Variants in FAM110B observed in about 807,000 individuals in gnomAD.
FAM110B encodes the protein family with sequence similarity 110 member B.
Under a neutral mutation model 20.4 loss-of-function variants are expected in FAM110B, and 6 were observed. The observed-to-expected ratio is 0.29, with a 90% CI of 0.16 to 0.58. The LOEUF is 0.58. Among genes scored for constraint, FAM110B ranks in the 20% least tolerant of loss-of-function variants. The pLI is 0.90. For missense variants in FAM110B, 434 were observed against 498.2 expected, an observed-to-expected ratio of 0.87 and a Z score of 1.23; for synonymous variants, 226 against 214.1, an observed-to-expected ratio of 1.06 and a Z score of -0.49.
intron 3 of FAM110B, among the ~76,000 whole-genome samples, chr8:58,103,436 T>C (rs988641101): frequency 3.1e-4 from 47 of 151,974 alleles, no homozygotes; most frequent in African/African-American, 1.0e-3. Flanking sequence ...GGTTTTTTGT[T>C]CTTGCGATAG....
intron 3 of FAM110B, among the ~76,000 whole-genome samples, chr8:58,094,280 A>T (rs1165469858): frequency 6.6e-6 from 1 of 152,100 alleles, no homozygotes; most frequent in Admixed American, 6.6e-5. Flanking sequence ...AACTTCCAAC[A>T]CTATGTCGAA....
At chr8:58,131,914 G>T (rs868093021) in intron 3 of FAM110B, among the ~76,000 whole-genome samples, 1 of 152,284 alleles carries the variant, frequency 6.6e-6, no homozygotes, top group African/African-American at 2.4e-5. Context: ...GTTGCATTGC[G>T]TGGGTCTGCA....
chr8:58,007,347 C>T (rs908894858), intron 1 of FAM110B, among the ~76,000 whole-genome samples: 3 of 152,136 alleles, frequency 2.0e-5, no homozygotes, highest in Non-Finnish European at 2.9e-5. Flanking sequence ...TATCGGATCA[C>T]GTGGGTCCCA....
At chr8:58,003,854 T>C (rs1312988970) in intron 1 of FAM110B, among the ~76,000 whole-genome samples, 2 of 152,190 alleles carry the variant, frequency 1.3e-5, no homozygotes, top group Non-Finnish European at 2.9e-5. Flanking sequence ...TAAGTCAGCA[T>C]TGGCTTCAAC....
intron 3 of FAM110B, among the ~76,000 whole-genome samples, chr8:58,116,333 T>C (rs1310007294): frequency 2.0e-5 from 3 of 152,152 alleles, no homozygotes; most frequent in African/African-American, 7.2e-5. Context: ...AACCTCACAG[T>C]AGAGTCCCAT....
intron 2 of FAM110B, among the ~76,000 whole-genome samples, chr8:58,069,021 G>A (rs983212101): frequency 6.6e-6 from 1 of 152,142 alleles, no homozygotes; most frequent in Non-Finnish European, 1.5e-5. Context: ...ATAGAATCAA[G>A]TGAAAGTAGT....
chr8:58,103,155 A>T (rs748273817), intron 3 of FAM110B, among the ~76,000 whole-genome samples: 6 of 151,992 alleles, frequency 3.9e-5, no homozygotes, highest in Non-Finnish European at 8.8e-5. Context: ...ACAGAAGGGC[A>T]TGTATTTCTT....
chr8:58,121,748 GT>G (rs1265988522), intron 3 of FAM110B, among the ~76,000 whole-genome samples: 1 of 152,112 alleles, frequency 6.6e-6, no homozygotes, highest in African/African-American at 2.4e-5. Flanking sequence ...TTTCCCAAAT[GT>G]TCCAGCATTC....
At chr8:58,052,802 T>C (rs1805475076) in intron 2 of FAM110B, among the ~76,000 whole-genome samples, 1 of 71,896 alleles carries the variant, frequency 1.4e-5, no homozygotes, top group Non-Finnish European at 2.7e-5. Flanking sequence ...TTTTTTTTTT[T>C]TGAGACGGAG....
intron 2 of FAM110B, among the ~76,000 whole-genome samples, chr8:58,036,005 T>G (rs1253711995): frequency 6.6e-6 from 1 of 152,126 alleles, no homozygotes. Context: ...CGGGCCTCTA[T>G]GGAGGAGGTC....
chr8:58,145,559 T>C (rs1803841754), intron 3 of FAM110B, among the ~76,000 whole-genome samples: 1 of 152,230 alleles, frequency 6.6e-6, no homozygotes, highest in Admixed American at 6.5e-5. Context: ...TAAGCCCTCA[T>C]TCCTACGTTC....
rs1807514035 is a variant in FAM110B, at chr8:58,126,670, C to T, written c.-324-19237C>T. On this transcript the variant is annotated intron_variant, in intron 3 of 3. Transcript: ENST00000519262. ...AGATTTTAATGTCTTATAATGTTGA[C>T]ATCTTTTCATATGTCTATTTGCCCT... 2.0e-5 allele frequency among the ~76,000 whole-genome samples: 3 copies of T among 151,984 alleles called. No individual in the cohort carries two copies. In the South Asian group the frequency reaches 6.2e-4, roughly 32 times the overall value.
intron 3 of FAM110B, among the ~76,000 whole-genome samples, chr8:58,093,103 T>G (rs894135067): frequency 3.9e-5 from 6 of 152,012 alleles, no homozygotes; most frequent in African/African-American, 9.6e-5. Context: ...CGTTTGTGGG[T>G]TTTTTTTGTA....
chr8:58,147,111 A>G lies in FAM110B; in HGVS notation c.881A>G (p.Glu294Gly). ...GAAGAGCTGGAAAACCTGGGAATGG[A>G]AAACTTTGCAAGGGCTAATTCTGAC... ...DPEELENLGM[E>G]NFARANSDII... is the part of the protein sequence containing the mutation. Residue 294 changes from glutamate (E) to glycine (G), a missense_variant, in exon 4 of 4, where the codon GAA becomes GGA. Around this residue, in one of 3 missense-constraint regions of FAM110B, gnomAD observed 94 missense variants for 137.8 expected, o/e 0.68. Transcript: ENST00000519262. The G allele has an allele frequency of 6.2e-7, 1 of 1,614,202 alleles. No individual in the cohort carries two copies. The highest frequency in any genetic ancestry group is 8.5e-7 in the Non-Finnish European group (1 of 1,180,040).
intron 3 of FAM110B, among the ~76,000 whole-genome samples, chr8:58,093,567 G>A (rs1000706893): frequency 1.2e-4 from 18 of 152,158 alleles, no homozygotes; most frequent in Admixed American, 1.0e-3. Context: ...TAGATGTGTG[G>A]TGTTATTTCT....
chr8:58,126,785 A>G (rs920166901), intron 3 of FAM110B, among the ~76,000 whole-genome samples: 3 of 152,010 alleles, frequency 2.0e-5, no homozygotes, highest in Non-Finnish European at 2.9e-5. Flanking sequence ...AACTCTTTGT[A>G]TGTTCTAGAT....
At chr8:58,105,437 TGG>T (rs1806882757) in intron 3 of FAM110B, among the ~76,000 whole-genome samples, 1 of 151,520 alleles carries the variant, frequency 6.6e-6, no homozygotes, top group Non-Finnish European at 1.5e-5. Context: ...TAATCCCAGG[TGG>T]GGAAGATTGC....
At chr8:58,017,701 A>G (rs1162738728) in intron 1 of FAM110B, among the ~76,000 whole-genome samples, 1 of 152,238 alleles carries the variant, frequency 6.6e-6, no homozygotes, top group Non-Finnish European at 1.5e-5. Flanking sequence ...AATTGTGAAG[A>G]AAGATATCCA....
chr8:58,060,608 A>T (rs1381192110), intron 2 of FAM110B, among the ~76,000 whole-genome samples: 1 of 152,200 alleles, frequency 6.6e-6, no homozygotes, highest in East Asian at 1.9e-4. Context: ...CCCCAGCAGC[A>T]CATAGCATAC....
Sources: allele counts gnomAD v4.1 joint callset (sites outside exome capture counted in the v4.1 genomes callset), GRCh38; gene constraint gnomAD v4.1.1; regional missense constraint gnomAD v4.1.1; transcripts MANE v1.5; gene names NCBI Gene and HGNC (gene_info 2026-07-23, HGNC 2026-07-21).